BRD7: variants seen among roughly 807,000 people sequenced by gnomAD.
The protein encoded by BRD7 is bromodomain containing 7, also known as bromodomain-containing protein 7.
Under a neutral mutation model 82.1 loss-of-function variants are expected in BRD7, and 15 were observed. That is an observed-to-expected ratio of 0.18 (90% CI 0.12 to 0.28). The LOEUF is 0.28. Ranked by LOEUF, BRD7 falls within the 10% of genes least tolerant of loss-of-function variation. BRD7 has a pLI of 1.00. For synonymous variants in BRD7, 232 were observed against 266.9 expected, an observed-to-expected ratio of 0.87 and a Z score of 1.27; for missense variants, 638 against 779.9, an observed-to-expected ratio of 0.82 and a Z score of 2.17.
At chr16:50,351,575 AT>A (rs1275411459) in intron 4 of BRD7, among the ~76,000 whole-genome samples, 2 of 152,188 alleles carry the variant, frequency 1.3e-5, no homozygotes, top group African/African-American at 4.8e-5. Flanking sequence ...GATCAACTAG[AT>A]TTTTTATTTT....
chr16:50,333,469 C>T, intron 8 of BRD7, 105 bp downstream of exon 8: 1 of 1,407,672 alleles, frequency 7.1e-7, no homozygotes, highest in South Asian at 1.3e-5. Flanking sequence ...TGATGAAGAG[C>T]TCTATGGCAG....
chr16:50,353,689 G>A (rs1446453224), intron 4 of BRD7, among the ~76,000 whole-genome samples: 1 of 151,828 alleles, frequency 6.6e-6, no homozygotes, highest in Non-Finnish European at 1.5e-5. Context: ...CATCTCCTGG[G>A]TTCACACCAT....
At chr16:50,351,836 A>T (rs1288467354) in intron 4 of BRD7, among the ~76,000 whole-genome samples, 1 of 89,594 alleles carries the variant, frequency 1.1e-5, no homozygotes, top group African/African-American at 6.0e-5. Context: ...GTATCCTTGT[A>T]TGTATGTATG....
intron 5 of BRD7, among the ~76,000 whole-genome samples, chr16:50,343,304 C>T (rs2038147622): frequency 1.3e-5 from 2 of 152,158 alleles, no homozygotes; most frequent in African/African-American, 4.8e-5. Flanking sequence ...AATGAGTCCT[C>T]ACAAGATCTG....
intron 10 of BRD7, 30 bp from the exon 11 acceptor site, chr16:50,325,913 A>G (rs774029629): frequency 7.7e-6 from 12 of 1,554,238 alleles, no homozygotes; most frequent in African/African-American, 1.4e-5. Context: ...CTGTAACACT[A>G]TTCTTTAACT....
intron 2 of BRD7, among the ~76,000 whole-genome samples, chr16:50,367,520 A>G (rs1173946633): frequency 5.3e-5 from 8 of 152,234 alleles, no homozygotes; most frequent in Admixed American, 3.3e-4. Context: ...TACTGGGCCC[A>G]GCCATTAATT....
intron 13 of BRD7, among the ~76,000 whole-genome samples, chr16:50,321,705 T>G (rs562818165): frequency 6.6e-6 from 1 of 152,146 alleles, no homozygotes; most frequent in Non-Finnish European, 1.5e-5. Context: ...AGCTAATGGT[T>G]CCATTTATAC....
At chr16:50,351,656 G>T (rs1359312788) in intron 4 of BRD7, among the ~76,000 whole-genome samples, 1 of 152,106 alleles carries the variant, frequency 6.6e-6, no homozygotes, top group East Asian at 1.9e-4. Flanking sequence ...AAACAGTGTG[G>T]CTCTGGGTTC....
chr16:50,365,567 G>GA (rs1042286758), intron 2 of BRD7, among the ~76,000 whole-genome samples: 15 of 151,776 alleles, frequency 9.9e-5, no homozygotes, highest in Admixed American at 5.9e-4. Flanking sequence ...AAACTTAGGA[G>GA]AAAAAAACAG....
At chr16:50,334,286 G>A (rs1222238548) in intron 7 of BRD7, among the ~76,000 whole-genome samples, 1 of 152,198 alleles carries the variant, frequency 6.6e-6, no homozygotes, top group Non-Finnish European at 1.5e-5. Context: ...GACATTGGGT[G>A]GAAAACATGG....
chr16:50,368,014 A>G, intron 2 of BRD7, 76 bp downstream of exon 2: 1 of 1,466,850 alleles, frequency 6.8e-7, no homozygotes, highest in Non-Finnish European at 9.5e-7. Context: ...CCCCAGATAC[A>G]AAGAAAATAA....
chr16:50,368,848 G>A lies in BRD7; in HGVS notation c.-74C>T, dbSNP rs536366459. 2.1e-3 allele frequency: 2,346 copies of A among 1,118,894 alleles called. 31 individuals are homozygous for A. The African/African-American group carries it at 0.035, about 17-fold the overall frequency. The allele number at this position is 1,118,894 out of a possible 1,614,324, so 69.3% of individuals were successfully genotyped here. ...CGGCGCCGCTTCCGGTCCGGGCCAG[G>A]CGAGCGGAGGGCGGGAGCGGGGCCC... On this transcript the variant is annotated 5_prime_UTR_variant, in exon 1 of 17. Coordinates refer to ENST00000394688, the MANE Select transcript of BRD7 (RefSeq NM_013263.5).
chr16:50,336,403 A>G (rs2037799095), intron 6 of BRD7, among the ~76,000 whole-genome samples: 1 of 152,228 alleles, frequency 6.6e-6, no homozygotes, highest in Admixed American at 6.5e-5. Context: ...ACTAATTTAC[A>G]TTAGTGTTTG....
chr16:50,320,444 A>T, intron 14 of BRD7, 53 bp from the exon 15 acceptor site: 2 of 1,588,870 alleles, frequency 1.3e-6, no homozygotes, highest in Admixed American at 3.5e-5. Context: ...CAGTAAACCG[A>T]ATCCTAGGCT....
chr16:50,355,869 C>T (rs1268854808), intron 2 of BRD7, among the ~76,000 whole-genome samples: 1 of 152,044 alleles, frequency 6.6e-6, no homozygotes, highest in Non-Finnish European at 1.5e-5. Flanking sequence ...CAACAAAATC[C>T]ATGAACCAAG....
chr16:50,332,769 T>TAC (rs2037623030), intron 8 of BRD7, among the ~76,000 whole-genome samples: 1 of 151,982 alleles, frequency 6.6e-6, no homozygotes, highest in African/African-American at 2.4e-5. Context: ...GAAAATGCGG[T>TAC]ACACACACAC....
intron 4 of BRD7, among the ~76,000 whole-genome samples, chr16:50,353,811 G>C (rs1421290985): frequency 6.7e-6 from 1 of 149,538 alleles, no homozygotes; most frequent in East Asian, 2.0e-4. Flanking sequence ...TGTTAGCCAG[G>C]ATGGTCTCAA....
intron 7 of BRD7, 141 bp from the exon 8 acceptor site, chr16:50,333,838 A>G (rs1044996597): frequency 4.2e-6 from 3 of 710,596 alleles, no homozygotes; most frequent in Non-Finnish European, 6.8e-6. Flanking sequence ...TTCCTTGATG[A>G]CCTGTTAAGG....
chr16:50,343,688 G>A (rs374775064), intron 5 of BRD7, among the ~76,000 whole-genome samples: 70 of 152,270 alleles, frequency 4.6e-4, no homozygotes, highest in African/African-American at 1.5e-3. Flanking sequence ...CCATGCCCAC[G>A]GAGCCTCACT....
Sources: gnomAD v4.1 joint callset for allele counts (sites outside exome capture counted in the v4.1 genomes callset) on GRCh38, gnomAD v4.1.1 for gene constraint, MANE v1.5 for transcripts, NCBI Gene and HGNC (gene_info 2026-07-23, HGNC 2026-07-21) for gene names.